HDAC4: variants seen among roughly 807,000 people sequenced by gnomAD.
The protein encoded by HDAC4 is histone deacetylase 4.
A neutral mutation model predicts 135.1 loss-of-function variants in HDAC4; 16 were observed. The ratio of observed to expected loss-of-function variants is 0.12; its 90% CI spans 0.08 to 0.18. The LOEUF (loss-of-function observed/expected upper bound fraction) is 0.18. Ranked by LOEUF, HDAC4 falls within the 10% of genes least tolerant of loss-of-function variation. The pLI, the probability that HDAC4 is intolerant of heterozygous loss-of-function variation, is 1.00. For synonymous variants in HDAC4, 685 were observed against 653.4 expected, an observed-to-expected ratio of 1.05 and a Z score of -0.74; for missense variants, 1,143 against 1,511.8, an observed-to-expected ratio of 0.76 and a Z score of 4.05.
At position 239,262,435 on chromosome 2, in the gene HDAC4, G is replaced by A. The variant is rs1409033990; in HGVS notation, c.23-25771C>T. Among the ~76,000 whole-genome samples, 1 of 152,230 alleles carries A rather than the reference G, an allele frequency of 6.6e-6. No individual in the cohort carries two copies. Among genetic ancestry groups the A allele is most frequent in the Non-Finnish European group, 1.5e-5 (1 of 68,024 alleles). On this transcript the variant is annotated intron_variant, in intron 2 of 26. Transcript: ENST00000543185. This position sits in a 1 kb window ranked among gnomAD's most constrained non-coding sequence, Gnocchi z 4.1. ...AGGAAGAGATAAAAGAGAAGCTTTTGTGAAAGCAGAGATAGAAATTTAATT... is the reference window on the plus strand; with the variant it reads ...AGGAAGAGATAAAAGAGAAGCTTTTATGAAAGCAGAGATAGAAATTTAATT...
In HDAC4 at chr2:239,380,949, C is replaced by T. The variant is rs536187831; in HGVS notation, c.-220+20029G>A. Among the ~76,000 whole-genome samples, 9 of 152,254 alleles carry T rather than the reference C, an allele frequency of 5.9e-5. No homozygotes were observed. The South Asian group carries it at 6.2e-4, about 11-fold the overall frequency. On this transcript the variant is annotated intron_variant, in intron 1 of 26. Transcript: ENST00000543185. ...GAGGTCACCCCTCAGCAGCGCCTCC[C>T]GGATGCAAGGAGCAAACACGGGTTC...
intron 3 of HDAC4, among the ~76,000 whole-genome samples, chr2:239,195,093 C>G (rs1173736816): frequency 6.6e-6 from 1 of 152,186 alleles, no homozygotes; most frequent in Non-Finnish European, 1.5e-5. Flanking sequence ...TCGGTGGGCA[C>G]CGAGGCTGGG....
In HDAC4 at chr2:239,313,010, C is replaced by G. The variant is rs2052958204; in HGVS notation, c.22+39668G>C. Among the ~76,000 whole-genome samples the G allele has an allele frequency of 6.6e-6, 1 of 152,202 alleles. No individual in the cohort carries two copies. Among genetic ancestry groups the G allele is most frequent in the Non-Finnish European group, 1.5e-5 (1 of 68,032 alleles). The stretch of plus-strand genomic sequence containing the variant: ...CTGCCGACGGGAGGCAGACGAGGTG[C>G]CGGGGGCAGCCTGCAGAGCAAGGAG... On this transcript the variant is annotated intron_variant, in intron 2 of 26. Transcript: ENST00000543185. This position sits in a 1 kb window ranked among gnomAD's most constrained non-coding sequence, Gnocchi z 5.1.
chr2:239,225,136 G>T (rs185337750), intron 3 of HDAC4, among the ~76,000 whole-genome samples: 40 of 152,238 alleles, frequency 2.6e-4, no homozygotes, highest in African/African-American at 8.7e-4. Context: ...AATAAAAAAG[G>T]AACCAAAAAG....
At chr2:239,214,297 ACT>A (rs913582201) in intron 3 of HDAC4, among the ~76,000 whole-genome samples, 5 of 151,470 alleles carry the variant, frequency 3.3e-5, no homozygotes, top group Non-Finnish European at 7.4e-5. Context: ...CCCTGTCGAC[ACT>A]CTGTCTGCAT....
chr2:239,377,951 C>T (rs573456916), intron 1 of HDAC4, among the ~76,000 whole-genome samples: 47 of 152,268 alleles, frequency 3.1e-4, no homozygotes, highest in African/African-American at 1.1e-3. Context: ...CTAATTTTCC[C>T]TGAAATAGGA....
intron 2 of HDAC4, among the ~76,000 whole-genome samples, chr2:239,297,903 C>T (rs146754669): frequency 8.2e-4 from 125 of 152,268 alleles, no homozygotes; most frequent in South Asian, 2.1e-3. Context: ...AGAATTCAAG[C>T]GGCAACATGT....
rs542021632 is a variant in HDAC4 at position 239,204,206 on chromosome 2, C to T, written c.95-14129G>A. 4.6e-5 allele frequency among the ~76,000 whole-genome samples: 7 copies of T among 152,290 alleles called. No individual in the cohort carries two copies. The South Asian group carries it at 1.5e-3, about 32-fold the overall frequency. On this transcript the variant is annotated intron_variant, in intron 3 of 26. Transcript: ENST00000543185. ...TCTCTGCGCAGGGCATCCTGCTGGCCGGCCGTGTCCCGGCGTCCCCATGCT... is the reference window on the plus strand; with the variant it reads ...TCTCTGCGCAGGGCATCCTGCTGGCTGGCCGTGTCCCGGCGTCCCCATGCT...
At chr2:239,081,727 C>T (rs1051164786) in intron 21 of HDAC4, among the ~76,000 whole-genome samples, 3 of 152,208 alleles carry the variant, frequency 2.0e-5, no homozygotes, top group Non-Finnish European at 4.4e-5. Flanking sequence ...GGCCGCCATG[C>T]AGCCCCGCGC....
At chr2:239,130,442 G>A (rs1365544898) in intron 11 of HDAC4, among the ~76,000 whole-genome samples, 1 of 152,188 alleles carries the variant, frequency 6.6e-6, no homozygotes, top group Non-Finnish European at 1.5e-5. Flanking sequence ...TGCCAGCTCA[G>A]GAAGGCTACG....
intron 1 of HDAC4, among the ~76,000 whole-genome samples, chr2:239,361,413 C>T (rs1056017779): frequency 6.6e-6 from 1 of 152,324 alleles, no homozygotes; most frequent in South Asian, 2.1e-4. Context: ...AGCCTCAGGA[C>T]TCCCAATGCC....
At chr2:239,159,875 C>G (rs2152959137) in intron 6 of HDAC4, among the ~76,000 whole-genome samples, 1 of 152,410 alleles carries the variant, frequency 6.6e-6, no homozygotes, top group Middle Eastern at 3.4e-3. Context: ...AGGTGCAGCC[C>G]CCACGGGGCC....
At position 239,388,667 on chromosome 2, in the gene HDAC4, C is replaced by T. The variant is rs75592466; in HGVS notation, c.-220+12311G>A. ...ACCATCCTGTGGGTTGGAGCCCCCA[C>T]CCCGCCCCTTGGGGTCACTGGGCTG... On this transcript the variant is annotated intron_variant, in intron 1 of 26. Transcript: ENST00000543185. Among the ~76,000 whole-genome samples, 1,185 of 152,318 alleles carry T rather than the reference C, an allele frequency of 7.8e-3. 14 individuals carry two copies. The highest frequency in any genetic ancestry group is 0.027 in the African/African-American group (1,142 of 41,572).
intron 2 of HDAC4, among the ~76,000 whole-genome samples, chr2:239,269,695 C>T (rs1389627676): frequency 6.6e-6 from 1 of 152,198 alleles, no homozygotes; most frequent in Admixed American, 6.5e-5. Context: ...GCCGGGACTG[C>T]CGGGTCACCG....
chr2:239,083,228 C>T (rs112145050), intron 20 of HDAC4, among the ~76,000 whole-genome samples: 5,186 of 152,340 alleles, frequency 0.034, 325 homozygotes, highest in African/African-American at 0.12. Flanking sequence ...TGTCCTAGCG[C>T]TTCACTCTTT....
intron 12 of HDAC4, among the ~76,000 whole-genome samples, chr2:239,124,355 G>T (rs894117562): frequency 1.3e-5 from 2 of 152,248 alleles, no homozygotes; most frequent in Non-Finnish European, 2.9e-5. Flanking sequence ...TCCTGTCTCT[G>T]TGAGTCTGTC....
intron 11 of HDAC4, among the ~76,000 whole-genome samples, chr2:239,132,143 C>T (rs1293387772): frequency 2.0e-5 from 3 of 152,180 alleles, no homozygotes; most frequent in Non-Finnish European, 4.4e-5. Flanking sequence ...ATGACTACAA[C>T]AATGATGCCA....
At chr2:239,182,902 C>A (rs2044243417) in intron 4 of HDAC4, among the ~76,000 whole-genome samples, 1 of 152,192 alleles carries the variant, frequency 6.6e-6, no homozygotes, top group Admixed American at 6.5e-5. Context: ...CCTCAGTTGG[C>A]TTCTGGAGGG....
chr2:239,052,842 CGTGTCCGT>C lies in HDAC4; in HGVS notation c.*247_*254del, dbSNP rs1303692772. ...CCCGCCAGAGTGTGCTTGGCTTCCG[CGTGTCCGT>C]GTGTCTGCGCGTCGCCGGCGTCTGT... is the stretch of plus-strand genomic sequence containing the variant. On this transcript the variant is annotated 3_prime_UTR_variant, in exon 27 of 27. Transcript: ENST00000543185. 1.8e-5 allele frequency: 10 copies of C among 548,456 alleles called. No individual in the cohort carries two copies. Among genetic ancestry groups the C allele is most frequent in the Admixed American group, 3.1e-5 (1 of 31,944 alleles). 34.0% of individuals were successfully genotyped at this position (548,456 alleles called of 1,614,324 possible). A position where few individuals can be genotyped will look rare whatever the true frequency, so the allele number is the denominator to read the frequency against.
Sources: allele counts gnomAD v4.1 joint callset (sites outside exome capture counted in the v4.1 genomes callset), GRCh38; gene constraint gnomAD v4.1.1; non-coding constraint Gnocchi (gnomAD v3.1); transcripts MANE v1.5; gene names NCBI Gene and HGNC (gene_info 2026-07-23, HGNC 2026-07-21).